MYO16: variants seen among roughly 807,000 people sequenced by gnomAD.
The protein encoded by MYO16 is myosin XVI.
A neutral mutation model predicts 205.3 loss-of-function variants in MYO16; 94 were observed. That is an observed-to-expected ratio of 0.46 (90% CI 0.39 to 0.54). The LOEUF (loss-of-function observed/expected upper bound fraction) is 0.54. Among genes scored for constraint, MYO16 ranks in the 20% least tolerant of loss-of-function variants. The probability of loss-of-function intolerance (pLI) is 0.00; values close to 1 mark genes in which losing one functional copy is unlikely to be tolerated. For synonymous variants in MYO16, 988 were observed against 954.0 expected, an observed-to-expected ratio of 1.04 and a Z score of -0.66; for missense variants, 2,315 against 2,387.5, an observed-to-expected ratio of 0.97 and a Z score of 0.63.
intron 2 of MYO16, among the ~76,000 whole-genome samples, chr13:108,703,066 G>T (rs1200983108): frequency 1.3e-5 from 2 of 151,918 alleles, no homozygotes; most frequent in Admixed American, 6.6e-5. Context: ...AAAATGGTAG[G>T]CATAAATCCT....
chr13:109,119,943 G>A (rs1190446031), intron 28 of MYO16, among the ~76,000 whole-genome samples: 1 of 152,172 alleles, frequency 6.6e-6, no homozygotes, highest in African/African-American at 2.4e-5. Flanking sequence ...TTATGCATCA[G>A]CTTTATGTTT....
rs36054088 is a variant in MYO16, at chr13:109,176,577, T to TAAAAAAAAAAAAAAAAAAAAAAAAAA, written c.5324-2941_5324-2940insAAAAAAAAAAAAAAAAAAAAAAAAAA. Reference sequence around the variant, plus strand: ...GCAGCTAAATAAAATATTGTGCTGGTAAAAAAAAAAAAAAAAAAAAAAAAG... The same window carrying TAAAAAAAAAAAAAAAAAAAAAAAAAA: ...GCAGCTAAATAAAATATTGTGCTGGTAAAAAAAAAAAAAAAAAAAAAAAAAAAAAAAAAAAAAAAAAAAAAAAAAAG... On this transcript the variant is annotated intron_variant, in intron 33 of 34. Transcript: ENST00000457511. Among the ~76,000 whole-genome samples, 23 of 44,944 alleles carry TAAAAAAAAAAAAAAAAAAAAAAAAAA rather than the reference T, an allele frequency of 5.1e-4. 3 individuals carry two copies. The highest frequency in any genetic ancestry group is 3.1e-3 in the East Asian group (2 of 636). The allele number at this position is 44,944 out of a possible 152,430, so 29.5% of individuals were successfully genotyped here.
chr13:109,004,084 C>T (rs1885309980), intron 21 of MYO16, among the ~76,000 whole-genome samples: 1 of 152,138 alleles, frequency 6.6e-6, no homozygotes, highest in Non-Finnish European at 1.5e-5. Flanking sequence ...ATAGACATTA[C>T]CTTATTTCAT....
intron 2 of MYO16, among the ~76,000 whole-genome samples, chr13:108,684,234 C>A (rs898794816): frequency 2.0e-5 from 3 of 152,180 alleles, no homozygotes; most frequent in African/African-American, 4.8e-5. Flanking sequence ...CAAGCAGGGG[C>A]AACCCCTAGG....
rs189170596 is a variant in MYO16 at position 108,834,092 on chromosome 13, A to G, written c.1098-10251A>G. On this transcript the variant is annotated intron_variant, in intron 9 of 34. Transcript: ENST00000457511. Reference sequence around the variant, plus strand: ...CTCATTTGCTTCAAAGAAAAACTGCACCAGAGAAGTTATACAGGAAAGAAA... The same window carrying G: ...CTCATTTGCTTCAAAGAAAAACTGCGCCAGAGAAGTTATACAGGAAAGAAA... Among the ~76,000 whole-genome samples the G allele has an allele frequency of 6.5e-4, 99 of 152,326 alleles. 2 individuals carry two copies. Among genetic ancestry groups the G allele is most frequent in the African/African-American group, 2.4e-3 (98 of 41,580 alleles).
intron 16 of MYO16, among the ~76,000 whole-genome samples, chr13:108,922,702 T>C (rs906385031): frequency 1.3e-5 from 2 of 152,228 alleles, no homozygotes; most frequent in African/African-American, 4.8e-5. Context: ...TGATGACATA[T>C]TGTGGATATT....
chr13:108,613,162 T>C (rs1879236494), intron 1 of MYO16, among the ~76,000 whole-genome samples: 1 of 152,146 alleles, frequency 6.6e-6, no homozygotes. Flanking sequence ...TTTAATTAAA[T>C]TTGATTAAAA....
chr13:109,206,960 G>T lies in MYO16; in HGVS notation c.*124G>T. On this transcript the variant is annotated 3_prime_UTR_variant, in exon 35 of 35. Transcript: ENST00000457511. Reference sequence around the variant, plus strand: ...ACGCATTTAGACAAAAAAAGCACAGGACACAGACACTAAATATATGAGATC... The same window carrying T: ...ACGCATTTAGACAAAAAAAGCACAGTACACAGACACTAAATATATGAGATC... 4 of 727,396 alleles carry T rather than the reference G, an allele frequency of 5.5e-6. No individual in the cohort carries two copies. The South Asian group carries it at 7.3e-5, about 13-fold the overall frequency. The allele number at this position is 727,396 out of a possible 1,614,324, so 45.1% of individuals were successfully genotyped here.
In MYO16 at chr13:109,077,581, G is replaced by A. The variant is rs73618347; in HGVS notation, c.3335+21986G>A. On this transcript the variant is annotated intron_variant, in intron 27 of 34. Transcript: ENST00000457511. ...TGTGGAAGGCATTTTTATGAGAAAGGCATTTTAGGTCAACATATTTTTCTT... is the reference window on the plus strand; with the variant it reads ...TGTGGAAGGCATTTTTATGAGAAAGACATTTTAGGTCAACATATTTTTCTT... Among the ~76,000 whole-genome samples, 585 of 152,282 alleles carry A rather than the reference G, an allele frequency of 3.8e-3. 4 individuals are homozygous for A. The highest frequency in any genetic ancestry group is 0.013 in the African/African-American group (529 of 41,564).
upstream of MYO16, among the ~76,000 whole-genome samples, chr13:108,592,077 TG>T (rs1298549466): frequency 6.8e-5 from 2 of 29,624 alleles, no homozygotes; most frequent in Non-Finnish European, 1.1e-4. Flanking sequence ...GTGTGGGGGG[TG>T]GGGGTGGAGG....
chr13:108,903,386 GT>G (rs34923399), intron 15 of MYO16, among the ~76,000 whole-genome samples: 151,261 of 152,306 alleles, frequency 0.99, 75,122 homozygotes, highest in Middle Eastern at 1. Flanking sequence ...ACTATCCTCA[GT>G]TTTCAGGGGT....
Position 109,140,537 on chromosome 13 carries a change from C to T in MYO16, c.4325C>T (p.Ala1442Val), listed in dbSNP as rs1877004995. ...PVYIEMLGHAARPDSPDPGES... is the reference protein window; with the variant it reads ...PVYIEMLGHAVRPDSPDPGES... The stretch of plus-strand genomic sequence containing the variant: ...TACATCGAGATGCTGGGGCACGCGG[C>T]CAGGCCCGATAGCCCGGACCCCGGG... Residue 1442 changes from alanine to valine, a missense_variant, in exon 32 of 35, where the codon GCC becomes GTC. Ala to Val is a moderately conservative substitution (Grantham distance 64). Transcript: ENST00000457511. The surrounding 1 kb of genome is among the most constrained non-coding windows in gnomAD (Gnocchi z 8.0). The T allele has an allele frequency of 1.9e-6, 3 of 1,549,770 alleles. No individual in the cohort carries two copies. Among genetic ancestry groups the T allele is most frequent in the Non-Finnish European group, 2.6e-6 (3 of 1,155,844 alleles).
the MYO16 span, among the ~76,000 whole-genome samples, chr13:108,501,336 T>G: frequency 1.3e-5 from 2 of 152,284 alleles, no homozygotes; most frequent in African/African-American, 2.4e-5. Context: ...GAGCTCTGCT[T>G]AGGGACCCTC....
chr13:108,933,682 A>G (rs1031721284), intron 16 of MYO16, among the ~76,000 whole-genome samples: 4 of 152,082 alleles, frequency 2.6e-5, no homozygotes, highest in Non-Finnish European at 5.9e-5. Context: ...GGTTTGTGGT[A>G]CGAATGATCC....
chr13:108,907,434 A>G (rs1244619040), intron 15 of MYO16, among the ~76,000 whole-genome samples: 6 of 152,188 alleles, frequency 3.9e-5, no homozygotes, highest in African/African-American at 7.2e-5. Flanking sequence ...CAGTTAGTAG[A>G]ATGTTTCTTT....
chr13:108,968,030 A>T (rs918452251), intron 20 of MYO16, among the ~76,000 whole-genome samples: 1 of 152,234 alleles, frequency 6.6e-6, no homozygotes, highest in Non-Finnish European at 1.5e-5. Flanking sequence ...TTACATTTGT[A>T]TGCGAATGTC....
At chr13:108,762,307 G>A (rs1168092083) in intron 4 of MYO16, among the ~76,000 whole-genome samples, 4 of 152,100 alleles carry the variant, frequency 2.6e-5, no homozygotes, top group Admixed American at 6.6e-5. Context: ...ATAAACACAT[G>A]AGGGCAGGCA....
the MYO16 span, among the ~76,000 whole-genome samples, chr13:108,502,816 A>C: frequency 6.6e-6 from 1 of 152,160 alleles, no homozygotes; most frequent in Admixed American, 6.5e-5. Context: ...TCTTCTTTTG[A>C]AAAGTCTATT....
intron 2 of MYO16, among the ~76,000 whole-genome samples, chr13:108,694,713 T>C (rs1883023878): frequency 6.6e-6 from 1 of 152,204 alleles, no homozygotes; most frequent in Non-Finnish European, 1.5e-5. Flanking sequence ...TTAAAAAGTT[T>C]TGATGAAGTC....
Sources: allele counts gnomAD v4.1 joint callset (sites outside exome capture counted in the v4.1 genomes callset), GRCh38; gene constraint gnomAD v4.1.1; non-coding constraint Gnocchi (gnomAD v3.1); transcripts MANE v1.5; gene names NCBI Gene and HGNC (gene_info 2026-07-23, HGNC 2026-07-21).